Variants in YTHDF1 observed in about 807,000 individuals in gnomAD.
YTHDF1 encodes the protein YTH N6-methyladenosine RNA binding protein F1.
A neutral mutation model predicts 49.1 loss-of-function variants in YTHDF1; 16 were observed. The ratio of observed to expected loss-of-function variants is 0.33; its 90% confidence interval spans 0.22 to 0.49. YTHDF1 has a LOEUF of 0.49. Ranked by LOEUF, YTHDF1 falls within the 20% of genes least tolerant of loss-of-function variation. The pLI, the probability that YTHDF1 is intolerant of heterozygous loss-of-function variation, is 0.99. For missense variants in YTHDF1, 621 were observed against 744.3 expected (o/e 0.83, Z 1.93); for synonymous variants, 313 against 290.1 (o/e 1.08, Z -0.80).
intron 3 of YTHDF1, 56 bp downstream of exon 3, chr20:63,213,808 T>C (rs1474647533): frequency 2.7e-6 from 4 of 1,471,730 alleles, no homozygotes; most frequent in Non-Finnish European, 2.8e-6. Flanking sequence ...ACAGTAAAGG[T>C]ACAAAACAAT....
intron 4 of YTHDF1, among the ~76,000 whole-genome samples, chr20:63,199,197 C>T (rs1381080107): frequency 6.6e-6 from 1 of 152,216 alleles, no homozygotes; most frequent in Non-Finnish European, 1.5e-5. Context: ...GCACAACCCT[C>T]TCCTCGGCAC....
intron 4 of YTHDF1, among the ~76,000 whole-genome samples, chr20:63,201,327 A>G (rs746958572): frequency 2.6e-5 from 4 of 152,214 alleles, no homozygotes; most frequent in Non-Finnish European, 4.4e-5. Context: ...TAACATAGAG[A>G]ACTGAAAAAA....
In YTHDF1 at chr20:63,211,118, G is replaced by A. The variant is rs76642863; in HGVS notation, c.132+2746C>T. On this transcript the variant is annotated intron_variant, in intron 3 of 4. Coordinates refer to ENST00000370339, the MANE Select transcript of YTHDF1 (RefSeq NM_017798.4). ...AGTATGACAGTTTCACACAAAACAC[G>A]GTAGCCTCCAACTGGCTACTACAAA... Among the ~76,000 whole-genome samples, 10 of 75,734 alleles carry A rather than the reference G, an allele frequency of 1.3e-4. No individual in the cohort carries two copies. The Admixed American group carries it at 1.4e-3, about 10-fold the overall frequency. The allele number at this position is 75,734 out of a possible 152,430, so 49.7% of individuals were successfully genotyped here.
At position 63,202,346 on chromosome 20, in the gene YTHDF1, T is replaced by C. The variant is rs2066521472; in HGVS notation, c.1594A>G (p.Ile532Val). 2 of 1,614,134 alleles carry C rather than the reference T, an allele frequency of 1.2e-6. No homozygotes were observed. Among genetic ancestry groups the C allele is most frequent in the Non-Finnish European group, 1.7e-6 (2 of 1,180,038 alleles). The change falls in exon 4 of 5, where the codon ATC becomes GTC. Residue 532 changes from isoleucine to valine, a missense_variant. Ile to Val is a conservative substitution (Grantham distance 29). Coordinates refer to ENST00000370339, the MANE Select transcript of YTHDF1 (RefSeq NM_017798.4). Reference protein sequence around the residue: ...IISSYKHTTSIFDDFAHYEKR... With the variant: ...IISSYKHTTSVFDDFAHYEKR... The stretch of plus-strand genomic sequence containing the variant: ...TCGTAGTGAGCAAAGTCGTCGAAGA[T>C]GGAGGTTGTGTGCTTGTAGGAACTG...
Position 63,203,337 on chromosome 20 carries a change from C to T in YTHDF1, c.603G>A (p.Lys201=). ...CGCTGCTGACGACAGAGCCCACCGT[C>T]TTGACGGCGGAGGAGCTGACGTCCC... ...KIGDVSSSAV[K]TVGSVVSSVA... is the part of the protein sequence containing the mutation. Residue 201 remains lysine, a synonymous_variant, in exon 4 of 5, where the codon AAG becomes AAA. Transcript: ENST00000370339. The surrounding 1 kb of genome is among the most constrained non-coding windows in gnomAD (Gnocchi z 4.4). 6.2e-7 allele frequency: 1 copy of T among 1,613,384 alleles called. No homozygotes were observed. Among genetic ancestry groups the T allele is most frequent in the South Asian group, 1.1e-5 (1 of 91,080 alleles).
At chr20:63,215,700 G>C (rs2066598657) in intron 1 of YTHDF1, 99 bp from the exon 2 acceptor site, 2 of 1,438,704 alleles carry the variant, frequency 1.4e-6, no homozygotes, top group Non-Finnish European at 1.8e-6. Flanking sequence ...CGGGCCGCGA[G>C]CTCCGCCGGC....
chr20:63,215,914 G>T lies in YTHDF1; in HGVS notation c.-22C>A. The T allele has an allele frequency of 7.2e-7, 1 of 1,382,774 alleles. No homozygotes were observed. The highest frequency in any genetic ancestry group is 2.8e-5 in the Admixed American group (1 of 35,806). The allele number at this position is 1,382,774 out of a possible 1,614,324, so 85.7% of individuals were successfully genotyped here. A position where few individuals can be genotyped will look rare whatever the true frequency, so the allele number is the denominator to read the frequency against. ...ACATGCTTCATGAACAACTAGACGC[G>T]GGGCCGGGGCGCCCGCCGGCTCGGG... On this transcript the variant is annotated 5_prime_UTR_variant, in exon 1 of 5. Coordinates refer to ENST00000370339, the MANE Select transcript of YTHDF1 (RefSeq NM_017798.4).
chr20:63,201,892 C>T (rs1209240066), intron 4 of YTHDF1, among the ~76,000 whole-genome samples: 1 of 152,228 alleles, frequency 6.6e-6, no homozygotes, highest in Non-Finnish European at 1.5e-5. Flanking sequence ...TGAATATCAC[C>T]TAAGTGTTCC....
Position 63,213,867 on chromosome 20 carries a change from A to C in YTHDF1, c.129T>G (p.Asn43Lys). 1 of 1,600,790 alleles carries C rather than the reference A, an allele frequency of 6.2e-7. No individual in the cohort carries two copies. The highest frequency in any genetic ancestry group is 8.5e-7 in the Non-Finnish European group (1 of 1,176,608). ...TATGCTAACAAAATAAACTCACCTG[A>C]TTTGACTGTCCAGTAAGGTAGGGCT... The part of the protein sequence containing the change: ...DFEPYLTGQS[N>K]QSNSYPSMSD... Residue 43 changes from asparagine to lysine, a missense_variant, in exon 3 of 5, where the codon AAT becomes AAG. Physicochemically the swap from Asn to Lys is moderately conservative, Grantham distance 94. Transcript: ENST00000370339.
At chr20:63,205,832 C>T (rs1189907251) in intron 3 of YTHDF1, among the ~76,000 whole-genome samples, 1 of 152,194 alleles carries the variant, frequency 6.6e-6, no homozygotes, top group African/African-American at 2.4e-5. Flanking sequence ...TTAAAATGCA[C>T]TAACTGCTGT....
In YTHDF1 at chr20:63,198,303, G is replaced by C. The variant is rs1180436325; in HGVS notation, c.1654-1569C>G. Among the ~76,000 whole-genome samples, 3 of 152,020 alleles carry C rather than the reference G, an allele frequency of 2.0e-5. No homozygotes were observed. The East Asian group carries it at 5.8e-4, about 29-fold the overall frequency. ...CAAAAAAAAAAAAAAAATTTGGCAGGGCATGGTGACCGGCGCCTGTAATCC... is the reference window on the plus strand; with the variant it reads ...CAAAAAAAAAAAAAAAATTTGGCAGCGCATGGTGACCGGCGCCTGTAATCC... On this transcript the variant is annotated intron_variant, in intron 4 of 4. Coordinates refer to ENST00000370339, the MANE Select transcript of YTHDF1 (RefSeq NM_017798.4).
intron 4 of YTHDF1, among the ~76,000 whole-genome samples, chr20:63,201,813 T>C (rs1206401443): frequency 6.6e-6 from 1 of 152,216 alleles, no homozygotes; most frequent in African/African-American, 2.4e-5. Flanking sequence ...TGAGGGACAG[T>C]GCCCTGGGAA....
At chr20:63,211,022 C>T (rs2066571492) in intron 3 of YTHDF1, among the ~76,000 whole-genome samples, 1 of 152,226 alleles carries the variant, frequency 6.6e-6, no homozygotes, top group Non-Finnish European at 1.5e-5. Flanking sequence ...GGCAACAACC[C>T]CTCACAGCCC....
intron 2 of YTHDF1, chr20:63,214,179 G>A (rs1212197017): frequency 1.1e-6 from 1 of 905,340 alleles, no homozygotes; most frequent in East Asian, 1.2e-4. Context: ...AATTTGGTGA[G>A]ATTAACCAAA....
chr20:63,203,102 C>A lies in YTHDF1; in HGVS notation c.838G>T (p.Val280Leu). The change falls in exon 4 of 5, where the codon GTG becomes TTG. Residue 280 changes from valine to leucine, a missense_variant. Transcript: ENST00000370339. This position sits in a 1 kb window ranked among gnomAD's most constrained non-coding sequence, Gnocchi z 4.4. Reference protein sequence around the residue: ...DIGTWDNKGPVPKAPVPQQAP... With the variant: ...DIGTWDNKGPLPKAPVPQQAP... ...TGCTGGGGGACTGGGGCCTTCGGCA[C>A]AGGCCCCTTGTTATCCCAGGTGCCA... is the stretch of plus-strand genomic sequence containing the variant. 6.2e-7 allele frequency: 1 copy of A among 1,610,242 alleles called. No individual in the cohort carries two copies. The highest frequency in any genetic ancestry group is 1.1e-5 in the South Asian group (1 of 90,860).
intron 4 of YTHDF1, among the ~76,000 whole-genome samples, chr20:63,201,768 G>A (rs1446277392): frequency 1.3e-5 from 2 of 152,220 alleles, no homozygotes; most frequent in South Asian, 2.1e-4. Flanking sequence ...ATAAAGCAAC[G>A]ACCTCCAGAT....
At chr20:63,215,792 T>C in intron 1 of YTHDF1, 74 bp downstream of exon 1, 1 of 1,426,852 alleles carries the variant, frequency 7.0e-7, no homozygotes, top group Non-Finnish European at 9.2e-7. Flanking sequence ...GGGCTCTGCG[T>C]TCCAGCCCCA....
At chr20:63,215,195 G>C (rs980498357) in intron 2 of YTHDF1, among the ~76,000 whole-genome samples, 3 of 152,174 alleles carry the variant, frequency 2.0e-5, no homozygotes, top group African/African-American at 7.2e-5. Context: ...TGCAACTACC[G>C]GGGATGTGGA....
rs2066601007 is a variant in YTHDF1 at position 63,216,027 on chromosome 20, G to A, written c.-135C>T. The A allele has an allele frequency of 2.6e-6, 2 of 783,874 alleles. No individual in the cohort carries two copies. The highest frequency in any genetic ancestry group is 3.1e-6 in the Non-Finnish European group (2 of 645,684). The allele number at this position is 783,874 out of a possible 1,614,324, so 48.6% of individuals were successfully genotyped here. A position where few individuals can be genotyped will look rare whatever the true frequency, so the allele number is the denominator to read the frequency against. ...CCCGGGCGCCGGCCGGGCGGCGGCG[G>A]CGGCTGCTGGGCGCGCGGGCCCCTG... On this transcript the variant is annotated 5_prime_UTR_variant, in exon 1 of 5. Transcript: ENST00000370339.
Sources: gnomAD v4.1 joint callset for allele counts (sites outside exome capture counted in the v4.1 genomes callset) on GRCh38, gnomAD v4.1.1 for gene constraint, Gnocchi (gnomAD v3.1) non-coding constraint, MANE v1.5 for transcripts, NCBI Gene and HGNC (gene_info 2026-07-23, HGNC 2026-07-21) for gene names.